The following RBPJ variants were observed in gnomAD, a reference collection of about 807,000 sequenced individuals.
RBPJ encodes the protein recombining binding protein suppressor of hairless.
In RBPJ, 9 loss-of-function variants were observed where a neutral mutation model predicts 67.8. That is an observed-to-expected ratio of 0.13 (90% CI 0.08 to 0.23). RBPJ has a LOEUF of 0.23. Among genes scored for constraint, RBPJ ranks in the 10% least tolerant of loss-of-function variants. The pLI, the probability that RBPJ is intolerant of heterozygous loss-of-function variation, is 1.00. For missense variants in RBPJ, 305 were observed against 595.6 expected (o/e 0.51, Z 5.08); for synonymous variants, 198 against 203.3 (o/e 0.97, Z 0.22).
At chr4:26,215,399 A>AAGGG (rs1718680356) in intron 1 of RBPJ, among the ~76,000 whole-genome samples, 3 of 36,984 alleles carry the variant, frequency 8.1e-5, no homozygotes, top group Admixed American at 3.9e-4. Flanking sequence ...GAGAGGAAGG[A>AAGGG]AGGGGGGGGA....
intron 1 of RBPJ, among the ~76,000 whole-genome samples, chr4:26,197,848 G>A (rs2109149667): frequency 6.6e-6 from 1 of 152,254 alleles, no homozygotes; most frequent in East Asian, 1.9e-4. Context: ...AGTGAAGGGG[G>A]AGCAGAGAGA....
the RBPJ span, among the ~76,000 whole-genome samples, chr4:26,120,824 G>T: frequency 6.9e-6 from 1 of 145,548 alleles, no homozygotes; most frequent in Admixed American, 7.2e-5. Context: ...GAGTACTGTA[G>T]TTTAGAAGCA....
intron 1 of RBPJ, among the ~76,000 whole-genome samples, chr4:26,262,986 T>C (rs1720589263): frequency 6.6e-6 from 1 of 152,222 alleles, no homozygotes; most frequent in East Asian, 1.9e-4. Context: ...TGAATATTTC[T>C]TGAACTGTCT....
upstream of RBPJ, among the ~76,000 whole-genome samples, chr4:26,319,480 G>A (rs1722804624): frequency 1.2e-5 from 1 of 80,222 alleles, no homozygotes; most frequent in Non-Finnish European, 2.6e-5. Flanking sequence ...CACCCCGCCC[G>A]CGCCCGCCGC....
intron 1 of RBPJ, among the ~76,000 whole-genome samples, chr4:26,353,992 G>A (rs1406039284): frequency 2.7e-5 from 4 of 150,836 alleles, no homozygotes; most frequent in African/African-American, 7.3e-5. Context: ...GTGCAGTGGC[G>A]TGATCTCGGC....
At chr4:26,140,142 A>G in the RBPJ span, among the ~76,000 whole-genome samples, 1 of 152,206 alleles carries the variant, frequency 6.6e-6, no homozygotes, top group African/African-American at 2.4e-5. Context: ...CACTTGGAAC[A>G]GTACTACGTA....
the RBPJ span, among the ~76,000 whole-genome samples, chr4:26,108,081 T>C: frequency 1.3e-5 from 2 of 152,188 alleles, no homozygotes; most frequent in African/African-American, 4.8e-5. Context: ...CAGATGACAT[T>C]TTCTCCAGGC....
chr4:26,421,551 C>T (rs1735139771), intron 5 of RBPJ, among the ~76,000 whole-genome samples: 1 of 152,158 alleles, frequency 6.6e-6, no homozygotes. Flanking sequence ...GATCCACCCA[C>T]CTCGACCTCC....
In RBPJ at chr4:26,193,162, C is replaced by G. The variant is rs151066780; in HGVS notation, c.-167+29548C>G. 5.9e-3 allele frequency among the ~76,000 whole-genome samples: 903 copies of G among 152,220 alleles called. 16 individuals are homozygous for G. Among genetic ancestry groups the G allele is most frequent in the African/African-American group, 0.021 (865 of 41,516 alleles). ...AAGATCCATGTCACCTTCTGACCTC[C>G]CAAACTGTAAAATAATAAATTTGTG... is the stretch of plus-strand genomic sequence containing the variant. On this transcript the variant is annotated intron_variant, in intron 1 of 4. Coordinates refer to the RBPJ transcript ENST00000512351.
At position 26,378,067 on chromosome 4, in the gene RBPJ, CTG is replaced by C. The variant is rs539166255; in HGVS notation, c.21-8280_21-8279del. 1.2e-4 allele frequency among the ~76,000 whole-genome samples: 19 copies of C among 152,170 alleles called. No individual in the cohort carries two copies. In the South Asian group the frequency reaches 3.7e-3, roughly 30 times the overall value. ...ATGTTACTAACTGGGTGACTTTTTG[CTG>C]TGTGTCCTTAGTCTCCTTTAATCTG... On this transcript the variant is annotated intron_variant, in intron 1 of 10. Coordinates refer to ENST00000355476, the MANE Select transcript of RBPJ (RefSeq NM_015874.6).
chr4:26,389,732 A>G (rs1282705681), intron 2 of RBPJ, among the ~76,000 whole-genome samples: 5 of 152,078 alleles, frequency 3.3e-5, no homozygotes, highest in South Asian at 2.1e-4. Flanking sequence ...TCTTGAAACT[A>G]GCAAACTACC....
chr4:26,115,411 G>GTTTTTTGTT, the RBPJ span, among the ~76,000 whole-genome samples: 1 of 151,624 alleles, frequency 6.6e-6, no homozygotes, highest in Non-Finnish European at 1.5e-5. Flanking sequence ...TTGAGACGGA[G>GTTTTTTGTT]TCTCGCTCTG....
At chr4:26,243,591 A>C (rs1719721635) in intron 1 of RBPJ, among the ~76,000 whole-genome samples, 1 of 152,254 alleles carries the variant, frequency 6.6e-6, no homozygotes, top group Non-Finnish European at 1.5e-5. Context: ...CAAATGACAA[A>C]GCATGATGCT....
chr4:26,147,612 G>A, the RBPJ span, among the ~76,000 whole-genome samples: 12 of 152,230 alleles, frequency 7.9e-5, no homozygotes, highest in East Asian at 2.3e-3. Flanking sequence ...CCAAATATAA[G>A]AAAAACTTTT....
chr4:26,349,327 G>T (rs139464774), intron 1 of RBPJ, among the ~76,000 whole-genome samples: 1 of 152,086 alleles, frequency 6.6e-6, no homozygotes, highest in Non-Finnish European at 1.5e-5. Context: ...CCACCTCAGC[G>T]TCCCAAAGTG....
rs893999923 is a variant in RBPJ at position 26,433,766 on chromosome 4, T to A, written c.*2759T>A. On this transcript the variant is annotated 3_prime_UTR_variant, in exon 11 of 11. Coordinates refer to ENST00000355476, the MANE Select transcript of RBPJ (RefSeq NM_015874.6). Reference sequence around the variant, plus strand: ...GCTGCTTACATTTTTTCTTTCATGGTTTTGTGAATCATTTTCAGTATGTAA... The same window carrying A: ...GCTGCTTACATTTTTTCTTTCATGGATTTGTGAATCATTTTCAGTATGTAA... 2 of 152,170 alleles carry A rather than the reference T, an allele frequency of 1.3e-5. No homozygotes were observed. The highest frequency in any genetic ancestry group is 4.8e-5 in the African/African-American group (2 of 41,440). 9.4% of individuals were successfully genotyped at this position (152,170 alleles called of 1,614,324 possible).
At chr4:26,117,600 C>T in the RBPJ span, among the ~76,000 whole-genome samples, 2 of 152,078 alleles carry the variant, frequency 1.3e-5, no homozygotes, top group Non-Finnish European at 2.9e-5. Flanking sequence ...TCTGAAAGGG[C>T]AGTGTAGCAT....
chr4:26,222,717 T>A (rs193116688), intron 1 of RBPJ, among the ~76,000 whole-genome samples: 1 of 149,028 alleles, frequency 6.7e-6, no homozygotes, highest in Non-Finnish European at 1.5e-5. Flanking sequence ...AACAAGTGAA[T>A]GAATAAATGA....
At chr4:26,299,232 T>A (rs1721987126) in intron 1 of RBPJ, among the ~76,000 whole-genome samples, 1 of 152,232 alleles carries the variant, frequency 6.6e-6, no homozygotes, top group Non-Finnish European at 1.5e-5. Context: ...CGTTTCTCAT[T>A]TTATCCCTCA....
Sources: allele counts gnomAD v4.1 joint callset (sites outside exome capture counted in the v4.1 genomes callset), GRCh38; gene constraint gnomAD v4.1.1; transcripts MANE v1.5; gene names NCBI Gene and HGNC (gene_info 2026-07-23, HGNC 2026-07-21).